The following MYH3 variants were observed in gnomAD, a reference collection of about 807,000 sequenced individuals.
MYH3 encodes the protein myosin heavy chain 3.
In MYH3, 130 loss-of-function variants were observed where a neutral mutation model predicts 238.0. That is an observed-to-expected ratio of 0.55 (90% CI 0.47 to 0.63). The LOEUF (loss-of-function observed/expected upper bound fraction) is 0.63, where lower values mean the gene tolerates loss of function less well. MYH3 is among the 30% of genes least tolerant of loss of function. The pLI, the probability that MYH3 is intolerant of heterozygous loss-of-function variation, is 0.00. For missense variants in MYH3, 1,853 were observed against 2,374.9 expected (o/e 0.78, Z 4.57); for synonymous variants, 880 against 924.1 (o/e 0.95, Z 0.86).
At position 10,632,584 on chromosome 17, in the gene MYH3, C is replaced by G; in HGVS notation, c.4848G>C (p.Lys1616Asn). ...CATTCAGGTCCCCCTCCATCTTCTT[C>G]TTGAGCCGGATGGCTTCATTCCTGC... ...VRSRNEAIRLKKKMEGDLNEI... is the reference protein window; with the variant it reads ...VRSRNEAIRLNKKMEGDLNEI... The change falls in exon 34 of 41, where the codon AAG becomes AAC. Residue 1616 changes from lysine to asparagine, a missense_variant. By Grantham distance (94) the Lys-to-Asn change is moderately conservative (BLOSUM62 0). Transcript: ENST00000583535. 6.2e-7 allele frequency: 1 copy of G among 1,614,202 alleles called. No individual in the cohort carries two copies. Among genetic ancestry groups the G allele is most frequent in the Non-Finnish European group, 8.5e-7 (1 of 1,180,048 alleles).
the MYH3 span, chr17:10,675,493 A>C: frequency 6.6e-6 from 1 of 152,182 alleles, no homozygotes; most frequent in Non-Finnish European, 1.5e-5. Context: ...AAACAGTAAA[A>C]GGCATAAATC....
intron 3 of MYH3, 44 bp from the exon 4 acceptor site, chr17:10,652,607 G>A (rs571024975): frequency 2.0e-5 from 12 of 605,236 alleles, no homozygotes; most frequent in Non-Finnish European, 2.9e-5. Context: ...TGGTCTGCAC[G>A]TCTTTTTTTT....
At position 10,639,730 on chromosome 17, in the gene MYH3, T is replaced by C; in HGVS notation, c.2755A>G (p.Lys919Glu). 6.2e-7 allele frequency: 1 copy of C among 1,614,112 alleles called. No individual in the cohort carries two copies. Among genetic ancestry groups the C allele is most frequent in the Non-Finnish European group, 8.5e-7 (1 of 1,180,034 alleles). The change falls in exon 23 of 41, where the codon AAG becomes GAG. Residue 919 changes from lysine to glutamate, a missense_variant. Physicochemically the swap from Lys to Glu is moderately conservative, Grantham distance 56. This residue lies in a region of MYH3 where 678 missense variants were observed against 1,058.9 expected (regional missense o/e 0.64). Transcript: ENST00000583535. ...LIKAKFQLEA[K>E]IKEVTERAED... The stretch of plus-strand genomic sequence containing the variant: ...GCTCTCTCTGTCACCTCCTTGATCT[T>C]GGCCTCGAGCTGGAATTTGGCTTTG...
At chr17:10,670,639 T>C in the MYH3 span, among the ~76,000 whole-genome samples, 2 of 152,116 alleles carry the variant, frequency 1.3e-5, no homozygotes, top group Admixed American at 6.5e-5. The surrounding 1 kb of genome is among the most constrained non-coding windows in gnomAD (Gnocchi z 7.0). Flanking sequence ...GCAAAGTTAA[T>C]ATATGTTCAT....
the MYH3 span, among the ~76,000 whole-genome samples, chr17:10,662,956 G>A: frequency 6.6e-6 from 1 of 152,012 alleles, no homozygotes; most frequent in Non-Finnish European, 1.5e-5. Context: ...GTGTGGTGGT[G>A]GGTTCCTGTA....
At chr17:10,657,984 G>A (rs1475534562), upstream of MYH3, among the ~76,000 whole-genome samples, 6 of 152,054 alleles carry the variant, frequency 3.9e-5, no homozygotes, top group Admixed American at 2.6e-4. Flanking sequence ...AATAGGACCA[G>A]CCAGTTAAGT....
At position 10,630,467 on chromosome 17, in the gene MYH3, C is replaced by G. The variant is rs2074144752; in HGVS notation, c.5287-9G>C. ...TCCGCCATCATGGCAGCCTGAAAAG[C>G]ACATGGGACTTGCTAGGATGCAGAG... is the stretch of plus-strand genomic sequence containing the variant. On this transcript the variant is annotated splice_polypyrimidine_tract_variant and intron_variant, in intron 36 of 40. Transcript: ENST00000583535. 6.2e-7 allele frequency: 1 copy of G among 1,614,192 alleles called. No homozygotes were observed. Among genetic ancestry groups the G allele is most frequent in the Non-Finnish European group, 8.5e-7 (1 of 1,180,042 alleles).
chr17:10,640,179 G>T lies in MYH3; in HGVS notation c.2499C>A (p.Leu833=), dbSNP rs777820182. 2.2e-5 allele frequency: 35 copies of T among 1,614,078 alleles called. 1 individual carries two copies. The highest frequency in any genetic ancestry group is 3.3e-4 in the Middle Eastern group (2 of 6,084). Reference sequence around the variant, plus strand: ...TGAGGAGGGGCTTGATCTTGAAGAAGAGTTTCATCCAGGGCCAGTGCTTGA... The same window carrying T: ...TGAGGAGGGGCTTGATCTTGAAGAATAGTTTCATCCAGGGCCAGTGCTTGA... ...MNVKHWPWMK[L]FFKIKPLLKS... is the part of the protein sequence containing the mutation. The change falls in exon 22 of 41, where the codon CTC becomes CTA. Residue 833 remains leucine (L), a synonymous_variant. Coordinates refer to ENST00000583535, the MANE Select transcript of MYH3 (RefSeq NM_002470.4).
In MYH3 at chr17:10,639,580, T is replaced by G. The variant is rs1448968320; in HGVS notation, c.2905A>C (p.Lys969Gln). The change falls in exon 23 of 41, where the codon AAG becomes CAG. Residue 969 changes from lysine to glutamine, a missense_variant. By Grantham distance (53) the Lys-to-Gln change is moderately conservative (BLOSUM62 1). Coordinates refer to ENST00000583535, the MANE Select transcript of MYH3 (RefSeq NM_002470.4). Reference sequence around the variant, plus strand: ...AATACCTTGTTCTCTGTGGCATGCTTCTCCTTCTCAACCTTGGCCAGGGTC... The same window carrying G: ...AATACCTTGTTCTCTGTGGCATGCTGCTCCTTCTCAACCTTGGCCAGGGTC... The part of the protein sequence containing the change: ...ELTLAKVEKE[K>Q]HATENKVKNL... 5 of 1,614,020 alleles carry G rather than the reference T, an allele frequency of 3.1e-6. No individual in the cohort carries two copies. In the African/African-American group the frequency reaches 6.7e-5, roughly 22 times the overall value.
Position 10,629,884 on chromosome 17 carries a change from C to T in MYH3, c.5616G>A (p.Leu1872=), listed in dbSNP as rs752145848. ...VLRLQDLVDK[L]QVKVKSYKRQ... ...TCTTGTAGGACTTGACTTTCACTTG[C>T]AGTTTATCCACCAGATCCTGCAATC... is the stretch of plus-strand genomic sequence containing the variant. Residue 1872 remains leucine, a synonymous_variant, in exon 39 of 41, where the codon CTG becomes CTA. Coordinates refer to ENST00000583535, the MANE Select transcript of MYH3 (RefSeq NM_002470.4). The T allele has an allele frequency of 6.2e-6, 10 of 1,614,152 alleles. No homozygotes were observed. In the South Asian group the frequency reaches 1.1e-4, roughly 18 times the overall value.
At chr17:10,630,031 G>A in intron 38 of MYH3, 61 bp downstream of exon 38, 1 of 1,604,628 alleles carries the variant, frequency 6.2e-7, no homozygotes, top group African/African-American at 1.3e-5. Context: ...TTCTTCCTGT[G>A]GTTTGATGGA....
chr17:10,634,703 G>T, intron 31 of MYH3, 137 bp downstream of exon 31: 2 of 1,009,626 alleles, frequency 2.0e-6, no homozygotes, highest in East Asian at 2.4e-5. Flanking sequence ...ACTACAGCCC[G>T]GTGAAGTTCA....
intron 27 of MYH3, 52 bp from the exon 28 acceptor site, chr17:10,637,987 T>C: frequency 6.2e-7 from 1 of 1,614,146 alleles, no homozygotes; most frequent in Non-Finnish European, 8.5e-7. Flanking sequence ...CAGGTTTCAA[T>C]GACCACGGAG....
the MYH3 span, among the ~76,000 whole-genome samples, chr17:10,671,410 T>C: frequency 6.6e-6 from 1 of 152,134 alleles, no homozygotes; most frequent in Non-Finnish European, 1.5e-5. Context: ...TCGCTTTCCA[T>C]GTGAGAGTCC....
At chr17:10,636,323 A>G (rs375808983) in intron 28 of MYH3, among the ~76,000 whole-genome samples, 23 of 151,796 alleles carry the variant, frequency 1.5e-4, no homozygotes, top group Admixed American at 1.2e-3. Flanking sequence ...ATTGTTGTAA[A>G]CTACTGGAAG....
chr17:10,636,467 G>A (rs946057132), intron 28 of MYH3, among the ~76,000 whole-genome samples: 3 of 151,984 alleles, frequency 2.0e-5, no homozygotes, highest in Admixed American at 6.6e-5. Flanking sequence ...ATTTGTTATC[G>A]ACAAATACAT....
At position 10,630,388 on chromosome 17, in the gene MYH3, T is replaced by C. The variant is rs751807271; in HGVS notation, c.5357A>G (p.Asn1786Ser). 19 of 1,614,050 alleles carry C rather than the reference T, an allele frequency of 1.2e-5. No individual in the cohort carries two copies. In the South Asian group the frequency reaches 2.1e-4, roughly 18 times the overall value. The change falls in exon 37 of 41, where the codon AAC becomes AGC. Residue 1786 changes from asparagine (N) to serine (S), a missense_variant. By Grantham distance (46) the Asn-to-Ser change is conservative (BLOSUM62 1). Transcript: ENST00000583535. Reference sequence around the variant, plus strand: ...CAGGTCCTTCACCGTCTGTTCCAGGTTCTTCTTCATCCGCTCAAGGTGGGC... The same window carrying C: ...CAGGTCCTTCACCGTCTGTTCCAGGCTCTTCTTCATCCGCTCAAGGTGGGC... ...TSAHLERMKKNLEQTVKDLQH... is the reference protein window; with the variant it reads ...TSAHLERMKKSLEQTVKDLQH...
intron 33 of MYH3, 150 bp downstream of exon 33, chr17:10,633,441 C>T (rs2074183866): frequency 5.4e-6 from 5 of 922,432 alleles, no homozygotes; most frequent in Non-Finnish European, 8.5e-6. Context: ...TATTCAGCCT[C>T]ACAGTTTTGC....
At chr17:10,644,231 C>A in intron 14 of MYH3, 120 bp downstream of exon 14, 1 of 1,040,858 alleles carries the variant, frequency 9.6e-7, no homozygotes, top group Non-Finnish European at 1.5e-6. Context: ...CATCCACTCT[C>A]CATCTAGTTT....
Sources: allele counts gnomAD v4.1 joint callset (sites outside exome capture counted in the v4.1 genomes callset), GRCh38; gene constraint gnomAD v4.1.1; regional missense constraint gnomAD v4.1.1; non-coding constraint Gnocchi (gnomAD v3.1); transcripts MANE v1.5; gene names NCBI Gene and HGNC (gene_info 2026-07-23, HGNC 2026-07-21).